ADAM12: variants seen among roughly 807,000 people sequenced by gnomAD.
ADAM12 encodes disintegrin and metalloproteinase domain-containing protein 12.
A neutral mutation model predicts 106.4 loss-of-function variants in ADAM12; 70 were observed. The ratio of observed to expected loss-of-function variants is 0.66; its 90% confidence interval spans 0.54 to 0.80. ADAM12 has a LOEUF of 0.80. Among genes scored for constraint, ADAM12 ranks in the 30% least tolerant of loss-of-function variants. The probability of loss-of-function intolerance (pLI) is 0.00; values close to 1 mark genes in which losing one functional copy is unlikely to be tolerated. For missense variants in ADAM12, 1,010 were observed against 1,171.9 expected (o/e 0.86, Z 2.02); for synonymous variants, 420 against 433.5 (o/e 0.97, Z 0.39).
At chr10:126,090,262 C>T (rs1295686558) in intron 11 of ADAM12, among the ~76,000 whole-genome samples, 1 of 150,848 alleles carries the variant, frequency 6.6e-6, no homozygotes, top group Non-Finnish European at 1.5e-5. Context: ...CCTACCCCAC[C>T]CGAGGAGATG....
At position 126,064,650 on chromosome 10, in the gene ADAM12, C is replaced by T; in HGVS notation, c.1609+156G>A. On this transcript the variant is annotated intron_variant, in intron 14 of 22. Coordinates refer to ENST00000448723, the MANE Select transcript of ADAM12 (RefSeq NM_001288973.2). This position sits in a 1 kb window ranked among gnomAD's most constrained non-coding sequence, Gnocchi z 4.4. ...ATGCCCAGTGCGGCCTCAGACCCTC[C>T]CTGGGAGTCAATCACTCCCGACTGA... 1.3e-6 allele frequency: 1 copy of T among 792,764 alleles called. No individual in the cohort carries two copies. The highest frequency in any genetic ancestry group is 2.7e-5 in the East Asian group (1 of 36,904). 49.1% of individuals were successfully genotyped at this position (792,764 alleles called of 1,614,324 possible). A position where few individuals can be genotyped will look rare whatever the true frequency, so the allele number is the denominator to read the frequency against.
At chr10:126,183,649 C>T (rs1450733983) in intron 3 of ADAM12, among the ~76,000 whole-genome samples, 1 of 152,190 alleles carries the variant, frequency 6.6e-6, no homozygotes, top group African/African-American at 2.4e-5. Flanking sequence ...TTTTGGATGT[C>T]TCCTCTGTTC....
chr10:126,366,019 A>C (rs567823213), intron 1 of ADAM12, among the ~76,000 whole-genome samples: 15 of 152,338 alleles, frequency 9.8e-5, no homozygotes, highest in Admixed American at 6.5e-4. Context: ...CGAGGTTTAG[A>C]TCTACCAGGT....
At chr10:126,361,541 C>A (rs1320304006) in intron 1 of ADAM12, among the ~76,000 whole-genome samples, 2 of 152,130 alleles carry the variant, frequency 1.3e-5, no homozygotes, top group Non-Finnish European at 2.9e-5. Context: ...AACTATACTA[C>A]AAAGTGATAG....
intron 3 of ADAM12, among the ~76,000 whole-genome samples, chr10:126,221,220 C>G (rs1958085517): frequency 6.6e-6 from 1 of 151,926 alleles, no homozygotes; most frequent in Non-Finnish European, 1.5e-5. Flanking sequence ...CCCGTCTCTA[C>G]TAAAAATACA....
intron 6 of ADAM12, among the ~76,000 whole-genome samples, chr10:126,113,109 G>A (rs1175939172): frequency 2.0e-5 from 3 of 152,218 alleles, no homozygotes; most frequent in Non-Finnish European, 4.4e-5. Flanking sequence ...GCTGAGGCCT[G>A]AAGGATGAGA....
At chr10:126,123,854 G>A (rs956789670) in intron 5 of ADAM12, among the ~76,000 whole-genome samples, 1 of 152,168 alleles carries the variant, frequency 6.6e-6, no homozygotes, top group African/African-American at 2.4e-5. Context: ...AAATGGAGCC[G>A]CTGCTTTGAA....
Position 126,240,814 on chromosome 10 carries a change from G to A in ADAM12, c.260+38101C>T, listed in dbSNP as rs557927755. Among the ~76,000 whole-genome samples, 44 of 152,374 alleles carry A rather than the reference G, an allele frequency of 2.9e-4. No individual in the cohort carries two copies. The East Asian group carries it at 6.2e-3, about 21-fold the overall frequency. On this transcript the variant is annotated intron_variant, in intron 3 of 22. Coordinates refer to ENST00000448723, the MANE Select transcript of ADAM12 (RefSeq NM_001288973.2). ...CCGGCCTGGAAGGTCACAGTCAGGA[G>A]ACGCCGGGTCCTTCTGAGAACAACA... is the stretch of plus-strand genomic sequence containing the variant.
chr10:126,293,973 C>A (rs1371755896), intron 2 of ADAM12, among the ~76,000 whole-genome samples: 4 of 152,226 alleles, frequency 2.6e-5, no homozygotes, highest in Non-Finnish European at 5.9e-5. Flanking sequence ...CAAACACTGT[C>A]TACCCACTGG....
intron 1 of ADAM12, among the ~76,000 whole-genome samples, chr10:126,373,684 T>C (rs926178836): frequency 7.2e-5 from 11 of 152,230 alleles, no homozygotes; most frequent in Admixed American, 3.9e-4. Flanking sequence ...TGTCTAGTTC[T>C]GAAAACACAG....
intron 2 of ADAM12, among the ~76,000 whole-genome samples, chr10:126,302,570 A>G (rs746235049): frequency 4.6e-5 from 7 of 152,162 alleles, no homozygotes; most frequent in Non-Finnish European, 1.0e-4. Context: ...TCTAAGCTAC[A>G]GGAGGGTGGA....
At chr10:126,126,458 T>C (rs984886584) in intron 5 of ADAM12, among the ~76,000 whole-genome samples, 3 of 152,108 alleles carry the variant, frequency 2.0e-5, no homozygotes, top group Non-Finnish European at 2.9e-5. Context: ...TTGTTTTTTT[T>C]AGAACCAGCA....
At position 126,044,479 on chromosome 10, in the gene ADAM12, C is replaced by T. The variant is rs535156191; in HGVS notation, c.1996-1331G>A. 2.3e-4 allele frequency among the ~76,000 whole-genome samples: 35 copies of T among 152,182 alleles called. 1 individual carries two copies. Among genetic ancestry groups the T allele is most frequent in the South Asian group, 1.3e-3 (6 of 4,798 alleles). On this transcript the variant is annotated intron_variant, in intron 17 of 22. Transcript: ENST00000448723. The stretch of plus-strand genomic sequence containing the variant: ...TAAGGTTCCCTTCCACAAAAAGAAA[C>T]GAACTAGAAGTTGTTGATGATGCAT...
At chr10:126,244,437 G>A (rs1590672308) in intron 3 of ADAM12, among the ~76,000 whole-genome samples, 1 of 149,230 alleles carries the variant, frequency 6.7e-6, no homozygotes, top group South Asian at 2.1e-4. Context: ...GAGGGCTCAG[G>A]ATGAGAAATG....
In ADAM12 at chr10:126,118,033, C is replaced by A; in HGVS notation, c.603+5G>T. On this transcript the variant is annotated splice_donor_5th_base_variant and intron_variant, in intron 6 of 22. Coordinates refer to ENST00000448723, the MANE Select transcript of ADAM12 (RefSeq NM_001288973.2). ...CAGAAACACAAAATCAGGTATCCCC[C>A]TTACCCTTCTTGCCCATGTCTGAGA... is the stretch of plus-strand genomic sequence containing the variant. 1 of 1,613,972 alleles carries A rather than the reference C, an allele frequency of 6.2e-7. No individual in the cohort carries two copies. Among genetic ancestry groups the A allele is most frequent in the South Asian group, 1.1e-5 (1 of 91,048 alleles).
intron 3 of ADAM12, among the ~76,000 whole-genome samples, chr10:126,197,814 T>C (rs1957625349): frequency 6.6e-6 from 1 of 152,114 alleles, no homozygotes; most frequent in African/African-American, 2.4e-5. Context: ...TAGGGACATC[T>C]TTGGGAAGGG....
chr10:126,287,324 A>G (rs1398592912), intron 2 of ADAM12, among the ~76,000 whole-genome samples: 1 of 152,158 alleles, frequency 6.6e-6, no homozygotes, highest in Non-Finnish European at 1.5e-5. Context: ...TTGGGTTGGA[A>G]GAGGGAAATG....
At chr10:126,159,920 T>C (rs112717990) in intron 3 of ADAM12, among the ~76,000 whole-genome samples, 1 of 109,506 alleles carries the variant, frequency 9.1e-6, no homozygotes, top group African/African-American at 2.9e-5. Context: ...CACTGTGTTA[T>C]GTCTTCTCTT....
At chr10:126,241,663 A>G (rs1397005385) in intron 3 of ADAM12, among the ~76,000 whole-genome samples, 1 of 152,220 alleles carries the variant, frequency 6.6e-6, no homozygotes, top group Non-Finnish European at 1.5e-5. Context: ...GCCACTTAAT[A>G]GCTTTGTGGC....
Sources: allele counts gnomAD v4.1 joint callset (sites outside exome capture counted in the v4.1 genomes callset), GRCh38; gene constraint gnomAD v4.1.1; non-coding constraint Gnocchi (gnomAD v3.1); transcripts MANE v1.5; gene names NCBI Gene and HGNC (gene_info 2026-07-23, HGNC 2026-07-21).